DDR1: variants seen among roughly 807,000 people sequenced by gnomAD.
DDR1 encodes the protein epithelial discoidin domain-containing receptor 1.
A neutral mutation model predicts 97.4 loss-of-function variants in DDR1; 64 were observed. That is an observed-to-expected ratio of 0.66 (90% CI 0.54 to 0.81). The LOEUF is 0.81. Among genes scored for constraint, DDR1 ranks in the 30% least tolerant of loss-of-function variants. DDR1 has a pLI of 0.00. For synonymous variants in DDR1, 458 were observed against 503.7 expected, an observed-to-expected ratio of 0.91 and a Z score of 1.21; for missense variants, 990 against 1,259.6, an observed-to-expected ratio of 0.79 and a Z score of 3.24.
Position 30,889,126 on chromosome 6 carries a change from A to T in DDR1, c.189-76A>T, listed in dbSNP as rs138871494. ...AAACCCCTGCAGGCTGAGGGGGCAA[A>T]TGAAGTGGGGTTTAAATACTGGAGA... On this transcript the variant is annotated intron_variant, in intron 3 of 17. Coordinates refer to ENST00000376568, the MANE Select transcript of DDR1 (RefSeq NM_001297654.2). The surrounding 1 kb of genome is among the most constrained non-coding windows in gnomAD (Gnocchi z 4.9). The T allele has an allele frequency of 6.2e-5, 98 of 1,586,578 alleles. No homozygotes were observed. The highest frequency in any genetic ancestry group is 1.5e-4 in the Admixed American group (9 of 59,894).
Position 30,891,684 on chromosome 6 carries a change from G to A in DDR1, c.665+205G>A, listed in dbSNP as rs1489390056. Reference sequence around the variant, plus strand: ...GGTGACCACTAGCCCGTATGACACTGTATGAAAAAGGCACCCCTTTGCTAA... The same window carrying A: ...GGTGACCACTAGCCCGTATGACACTATATGAAAAAGGCACCCCTTTGCTAA... On this transcript the variant is annotated intron_variant, in intron 6 of 17. Coordinates refer to ENST00000376568, the MANE Select transcript of DDR1 (RefSeq NM_001297654.2). This position sits in a 1 kb window ranked among gnomAD's most constrained non-coding sequence, Gnocchi z 5.3. Among the ~76,000 whole-genome samples, 1 of 152,144 alleles carries A rather than the reference G, an allele frequency of 6.6e-6. No homozygotes were observed. The highest frequency in any genetic ancestry group is 6.5e-5 in the Admixed American group (1 of 15,270).
In DDR1 at chr6:30,885,044, A is replaced by G. The variant is rs185771002; in HGVS notation, c.-43+334A>G. 194 of 636,400 alleles carry G rather than the reference A, an allele frequency of 3.0e-4. 1 individual carries two copies. Among genetic ancestry groups the G allele is most frequent in the African/African-American group, 2.8e-3 (155 of 55,240 alleles). The allele number at this position is 636,400 out of a possible 1,614,324, so 39.4% of individuals were successfully genotyped here. A position where few individuals can be genotyped will look rare whatever the true frequency, so the allele number is the denominator to read the frequency against. ...GCAGCCCCACTGAGTCAGCTCATCT[A>G]TCGCCTGCCCTCCACCTGGCCAGTC... On this transcript the variant is annotated intron_variant, in intron 1 of 17. Transcript: ENST00000376568.
At position 30,888,494 on chromosome 6, in the gene DDR1, G is replaced by A. The variant is rs1471173917; in HGVS notation, c.-42-194G>A. On this transcript the variant is annotated intron_variant, in intron 1 of 17. Transcript: ENST00000376568. The surrounding 1 kb of genome is among the most constrained non-coding windows in gnomAD (Gnocchi z 4.2). ...GAAGTGACTGTGAAGATAAAATTAT[G>A]GATTCTGTTTAAGGGTTTAGGCCAG... The A allele has an allele frequency of 1.6e-6, 1 of 614,764 alleles. No homozygotes were observed. Among genetic ancestry groups the A allele is most frequent in the Non-Finnish European group, 2.8e-6 (1 of 356,648 alleles). 38.1% of individuals were successfully genotyped at this position (614,764 alleles called of 1,614,324 possible).
Position 30,889,193 on chromosome 6 carries a change from C to T in DDR1, c.189-9C>T. On this transcript the variant is annotated splice_polypyrimidine_tract_variant and intron_variant, in intron 3 of 17. Transcript: ENST00000376568. The surrounding 1 kb of genome is among the most constrained non-coding windows in gnomAD (Gnocchi z 4.9). ...GCCAGATGTTCTCTGTGCCCCTCTT[C>T]ACCCTCAGGTTGGAGAGCAGTGACG... is the stretch of plus-strand genomic sequence containing the variant. 1 of 1,612,816 alleles carries T rather than the reference C, an allele frequency of 6.2e-7. No homozygotes were observed. Among genetic ancestry groups the T allele is most frequent in the South Asian group, 1.1e-5 (1 of 91,078 alleles).
chr6:30,895,444 C>T lies in DDR1; in HGVS notation c.1554C>T (p.Ala518=), dbSNP rs926473624. 1.2e-6 allele frequency: 2 copies of T among 1,610,502 alleles called. No individual in the cohort carries two copies. ...ATCCAGCCTACCGCCTCCTTCTGGC[C>T]ACTTACGCCCGTCCCCCTCGAGGCC... ...LSNPAYRLLL[A]TYARPPRGPG... is the part of the protein sequence containing the mutation. The change falls in exon 12 of 18, where the codon GCC becomes GCT. Residue 518 remains alanine (A), a synonymous_variant. Coordinates refer to ENST00000376568, the MANE Select transcript of DDR1 (RefSeq NM_001297654.2).
chr6:30,890,860 C>A lies in DDR1; in HGVS notation c.418-113C>A. ...ACAGTGCTGTGTGCTCGGTGCCACCCCTCATGGGTCTCTAAGTGGCCACTG... is the reference window on the plus strand; with the variant it reads ...ACAGTGCTGTGTGCTCGGTGCCACCACTCATGGGTCTCTAAGTGGCCACTG... On this transcript the variant is annotated intron_variant, in intron 4 of 17. Coordinates refer to ENST00000376568, the MANE Select transcript of DDR1 (RefSeq NM_001297654.2). The surrounding 1 kb of genome is among the most constrained non-coding windows in gnomAD (Gnocchi z 5.0). The A allele has an allele frequency of 1.7e-6, 2 of 1,167,824 alleles. No individual in the cohort carries two copies. The highest frequency in any genetic ancestry group is 1.6e-5 in the South Asian group (1 of 62,072). The allele number at this position is 1,167,824 out of a possible 1,614,324, so 72.3% of individuals were successfully genotyped here. A position where few individuals can be genotyped will look rare whatever the true frequency, so the allele number is the denominator to read the frequency against.
At chr6:30,895,937 C>G (rs1292604023) in intron 12 of DDR1, among the ~76,000 whole-genome samples, 2 of 152,284 alleles carry the variant, frequency 1.3e-5, no homozygotes, top group Admixed American at 1.3e-4. Flanking sequence ...GAGGTGAAGG[C>G]TCATGCCCCA....
Position 30,899,529 on chromosome 6 carries a change from T to C in DDR1, c.*233T>C. On this transcript the variant is annotated 3_prime_UTR_variant, in exon 18 of 18. Transcript: ENST00000376568. ...TGTTCTTCCTTCCTAGAAGCCCCTG[T>C]CGCCCACCCAGCTGGTCCTGTGGAT... 1 of 579,034 alleles carries C rather than the reference T, an allele frequency of 1.7e-6. No homozygotes were observed. The highest frequency in any genetic ancestry group is 2.5e-5 in the South Asian group (1 of 40,276). 35.9% of individuals were successfully genotyped at this position (579,034 alleles called of 1,614,324 possible).
chr6:30,895,658 C>T, intron 12 of DDR1, 144 bp downstream of exon 12: 1 of 534,372 alleles, frequency 1.9e-6, no homozygotes, highest in Non-Finnish European at 3.3e-6. Flanking sequence ...CTCTTGTGCC[C>T]TTAGCTCATC....
At chr6:30,892,593 T>G in intron 8 of DDR1, 51 bp downstream of exon 8, 1 of 1,517,948 alleles carries the variant, frequency 6.6e-7, no homozygotes, top group Non-Finnish European at 8.8e-7. Flanking sequence ...ACAACTGATT[T>G]CATTCCTAAC....
intron 8 of DDR1, chr6:30,892,767 G>T (rs1789021951): frequency 1.6e-6 from 1 of 608,052 alleles, no homozygotes; most frequent in South Asian, 2.3e-5. Flanking sequence ...CTATTATTGA[G>T]CCAGTATGAC....
Position 30,899,643 on chromosome 6 carries a change from C to T in DDR1, c.*347C>T, listed in dbSNP as rs1792244697. 2 of 396,354 alleles carry T rather than the reference C, an allele frequency of 5.0e-6. No individual in the cohort carries two copies. The highest frequency in any genetic ancestry group is 9.1e-6 in the Non-Finnish European group (2 of 218,886). 24.6% of individuals were successfully genotyped at this position (396,354 alleles called of 1,614,324 possible). A position where few individuals can be genotyped will look rare whatever the true frequency, so the allele number is the denominator to read the frequency against. On this transcript the variant is annotated 3_prime_UTR_variant, in exon 18 of 18. Transcript: ENST00000376568. ...CACTGGACATGGCCCATTGGAGCAC[C>T]TGGGCCCCACTGGACAACACTGATT...
At position 30,895,459 on chromosome 6, in the gene DDR1, C is replaced by T. The variant is rs148057691; in HGVS notation, c.1569C>T (p.Pro523=). ...TCCTTCTGGCCACTTACGCCCGTCC[C>T]CCTCGAGGCCCGGGCCCCCCCACAC... is the stretch of plus-strand genomic sequence containing the variant. ...YRLLLATYAR[P]PRGPGPPTPA... Residue 523 remains proline (P), a synonymous_variant, in exon 12 of 18, where the codon CCC becomes CCT. Transcript: ENST00000376568. The T allele has an allele frequency of 6.2e-7, 1 of 1,608,412 alleles. No homozygotes were observed. Among genetic ancestry groups the T allele is most frequent in the South Asian group, 1.1e-5 (1 of 90,496 alleles).
intron 12 of DDR1, 101 bp downstream of exon 12, chr6:30,895,615 C>G (rs1483997117): frequency 2.2e-5 from 15 of 696,714 alleles, no homozygotes; most frequent in Non-Finnish European, 2.8e-5. Context: ...CCACTGTGGC[C>G]TATTCTGCTC....
rs931948067 is a variant in DDR1 at position 30,897,791 on chromosome 6, A to C, written c.2216+194A>C. The stretch of plus-strand genomic sequence containing the variant: ...ACAGAAAGGCTGGAGGTGACTATGC[A>C]AGAGTGGTGAAGGGACTTGGGCCCT... On this transcript the variant is annotated intron_variant, in intron 15 of 17. Coordinates refer to ENST00000376568, the MANE Select transcript of DDR1 (RefSeq NM_001297654.2). The surrounding 1 kb of genome is among the most constrained non-coding windows in gnomAD (Gnocchi z 5.2). Among the ~76,000 whole-genome samples the C allele has an allele frequency of 3.4e-4, 52 of 152,174 alleles. 1 individual carries two copies. The highest frequency in any genetic ancestry group is 3.1e-3 in the Admixed American group (48 of 15,282).
chr6:30,891,116 G>A lies in DDR1; in HGVS notation c.561G>A (p.Trp187Ter). Residue 187 changes from tryptophan (W) to a stop codon, truncating the protein, a stop_gained, in exon 5 of 18, where the codon TGG (tryptophan) becomes TGA (stop). Coordinates refer to ENST00000376568, the MANE Select transcript of DDR1 (RefSeq NM_001297654.2). LOFTEE classifies it high-confidence loss of function. This position sits in a 1 kb window ranked among gnomAD's most constrained non-coding sequence, Gnocchi z 5.3. ...GGGTAGAGCTCTATGGCTGCCTCTG[G>A]AGGGGTGAGTGGCTCAGCTTCCTGG... ...CLRVELYGCL[W>*]RDGLLSYTAP... 1 of 1,612,932 alleles carries A rather than the reference G, an allele frequency of 6.2e-7. No individual in the cohort carries two copies. The highest frequency in any genetic ancestry group is 8.5e-7 in the Non-Finnish European group (1 of 1,179,992).
rs746505455 is a variant in DDR1 at position 30,891,269 on chromosome 6, A to G, written c.566-111A>G. The G allele has an allele frequency of 8.6e-5, 121 of 1,406,450 alleles. 2 individuals are homozygous for G. The highest frequency in any genetic ancestry group is 7.1e-4 in the Admixed American group (38 of 53,280). The allele number at this position is 1,406,450 out of a possible 1,614,324, so 87.1% of individuals were successfully genotyped here. A position where few individuals can be genotyped will look rare whatever the true frequency, so the allele number is the denominator to read the frequency against. On this transcript the variant is annotated intron_variant, in intron 5 of 17. Transcript: ENST00000376568. This position sits in a 1 kb window ranked among gnomAD's most constrained non-coding sequence, Gnocchi z 5.3. ...AGCCAGCATTGTCTCCTCCATGCCAATGAGCCAGTGGAGAGATACAAGAAG... is the reference window on the plus strand; with the variant it reads ...AGCCAGCATTGTCTCCTCCATGCCAGTGAGCCAGTGGAGAGATACAAGAAG...
chr6:30,885,697 G>T, intron 1 of DDR1: 1 of 1,310,446 alleles, frequency 7.6e-7, no homozygotes, highest in Non-Finnish European at 1.0e-6. Context: ...ACGGGTTGAT[G>T]TATGCATGAG....
rs1048037268 is a variant in DDR1, at chr6:30,890,225, A to G, written c.418-748A>G. On this transcript the variant is annotated intron_variant, in intron 4 of 17. Coordinates refer to ENST00000376568, the MANE Select transcript of DDR1 (RefSeq NM_001297654.2). The surrounding 1 kb of genome is among the most constrained non-coding windows in gnomAD (Gnocchi z 5.0). ...CAAAAGCTGAGTCCCTAGCTGGTGC[A>G]GGATGCTCAGCCTGACCTGGCTCCT... is the stretch of plus-strand genomic sequence containing the variant. 5.9e-5 allele frequency among the ~76,000 whole-genome samples: 9 copies of G among 152,298 alleles called. No homozygotes were observed. The highest frequency in any genetic ancestry group is 1.0e-4 in the Non-Finnish European group (7 of 68,024).
Sources: gnomAD v4.1 joint callset for allele counts (sites outside exome capture counted in the v4.1 genomes callset) on GRCh38, gnomAD v4.1.1 for gene constraint, Gnocchi (gnomAD v3.1) non-coding constraint, MANE v1.5 for transcripts, NCBI Gene and HGNC (gene_info 2026-07-23, HGNC 2026-07-21) for gene names.